GRID1: variants seen among roughly 807,000 people sequenced by gnomAD.
GRID1 encodes glutamate receptor ionotropic, delta-1.
In GRID1, 28 loss-of-function variants were observed where a neutral mutation model predicts 98.0. The ratio of observed to expected loss-of-function variants is 0.29; its 90% CI spans 0.21 to 0.39. The LOEUF (loss-of-function observed/expected upper bound fraction) is 0.39, where lower values mean the gene tolerates loss of function less well. Among genes scored for constraint, GRID1 ranks in the 10% least tolerant of loss-of-function variants. The probability of loss-of-function intolerance (pLI) is 1.00; values close to 1 mark genes in which losing one functional copy is unlikely to be tolerated. For synonymous variants in GRID1, 553 were observed against 538.5 expected, an observed-to-expected ratio of 1.03 and a Z score of -0.37; for missense variants, 1,111 against 1,340.5, an observed-to-expected ratio of 0.83 and a Z score of 2.67.
At chr10:85,858,267 A>G (rs372448903) in intron 6 of GRID1, among the ~76,000 whole-genome samples, 5 of 152,172 alleles carry the variant, frequency 3.3e-5, no homozygotes, top group African/African-American at 9.7e-5. Flanking sequence ...AGAGTGTGCT[A>G]AAGCAAGAGC....
At chr10:85,673,756 C>A (rs542545178) in intron 12 of GRID1, among the ~76,000 whole-genome samples, 1 of 152,254 alleles carries the variant, frequency 6.6e-6, no homozygotes, top group Non-Finnish European at 1.5e-5. Context: ...AAAATTCCTG[C>A]GACTTTATTT....
chr10:86,070,071 T>A (rs1396877343), intron 4 of GRID1, among the ~76,000 whole-genome samples: 1 of 152,166 alleles, frequency 6.6e-6, no homozygotes, highest in Non-Finnish European at 1.5e-5. Flanking sequence ...TGCCAGCTCT[T>A]TGGAGTTTGA....
At chr10:85,973,158 C>A (rs924792407) in intron 4 of GRID1, among the ~76,000 whole-genome samples, 1 of 152,066 alleles carries the variant, frequency 6.6e-6, no homozygotes, top group Non-Finnish European at 1.5e-5. Context: ...TTTGAATTTG[C>A]CTATTAATTT....
At chr10:86,019,414 C>T (rs1326868778) in intron 4 of GRID1, among the ~76,000 whole-genome samples, 1 of 152,246 alleles carries the variant, frequency 6.6e-6, no homozygotes, top group Non-Finnish European at 1.5e-5. Context: ...GTGCCCCCAT[C>T]AGGGAGAGGG....
intron 8 of GRID1, among the ~76,000 whole-genome samples, chr10:85,852,392 G>C (rs1272180468): frequency 1.3e-5 from 2 of 152,134 alleles, no homozygotes; most frequent in Non-Finnish European, 2.9e-5. Flanking sequence ...CCAGACACCT[G>C]AAACAGGAAG....
intron 12 of GRID1, chr10:85,650,279 G>A (rs1367710696): frequency 6.6e-6 from 1 of 152,186 alleles, no homozygotes; most frequent in African/African-American, 2.4e-5. Flanking sequence ...AAGTGAGGGA[G>A]GCTTCACCAG....
At chr10:86,179,429 G>A (rs149345866) in intron 3 of GRID1, among the ~76,000 whole-genome samples, 34 of 152,298 alleles carry the variant, frequency 2.2e-4, no homozygotes, top group Middle Eastern at 3.4e-3. Context: ...ACCTCCTCTG[G>A]TCCTCCACGA....
chr10:85,979,797 C>T (rs1304993631), intron 4 of GRID1, among the ~76,000 whole-genome samples: 1 of 152,160 alleles, frequency 6.6e-6, no homozygotes, highest in African/African-American at 2.4e-5. Flanking sequence ...GACACTGGTC[C>T]ACAGGGCTCA....
chr10:85,635,427 C>CCTCCTTG (rs1406353923), intron 13 of GRID1, among the ~76,000 whole-genome samples: 1 of 152,216 alleles, frequency 6.6e-6, no homozygotes, highest in Non-Finnish European at 1.5e-5. Flanking sequence ...TCCCCTGCCC[C>CCTCCTTG]CTCCTTGCCC....
chr10:85,647,250 G>T lies in GRID1; in HGVS notation c.2145C>A (p.Asn715Lys), dbSNP rs1409355332. 2.5e-6 allele frequency: 4 copies of T among 1,614,212 alleles called. No individual in the cohort carries two copies. In the South Asian group the frequency reaches 4.4e-5, roughly 18 times the overall value. ...TGGACACGCAGTTGTCAGCCCCTCC[G>T]TTCTTGCTGATGGTCCGCCAGAGTT... ...FAELWRTISKNGGADNCVSSP... is the reference protein window; with the variant it reads ...FAELWRTISKKGGADNCVSSP... Residue 715 changes from asparagine to lysine, a missense_variant, in exon 13 of 16, where the codon AAC (asparagine) becomes AAA (lysine). Around this residue, in one of 3 missense-constraint regions of GRID1, gnomAD observed 762 missense variants for 869.1 expected, o/e 0.88. Transcript: ENST00000327946.
intron 3 of GRID1, among the ~76,000 whole-genome samples, chr10:86,178,374 G>A (rs1057439959): frequency 6.6e-6 from 1 of 152,176 alleles, no homozygotes; most frequent in Non-Finnish European, 1.5e-5. Context: ...GGGAGGACAG[G>A]GGGAGAAGAA....
At chr10:86,084,168 G>T (rs1361508937) in intron 4 of GRID1, among the ~76,000 whole-genome samples, 1 of 152,132 alleles carries the variant, frequency 6.6e-6, no homozygotes, top group Admixed American at 6.5e-5. Flanking sequence ...TGCAATCGAG[G>T]GAAGCCTAGG....
chr10:85,654,934 C>T (rs1452638841), intron 12 of GRID1, among the ~76,000 whole-genome samples: 1 of 152,224 alleles, frequency 6.6e-6, no homozygotes, highest in African/African-American at 2.4e-5. Context: ...GTAAGTAGAG[C>T]TCAGTAATAG....
chr10:86,019,815 G>T (rs529061559), intron 4 of GRID1, among the ~76,000 whole-genome samples: 1 of 152,358 alleles, frequency 6.6e-6, no homozygotes, highest in African/African-American at 2.4e-5. Context: ...AGGCCACGAG[G>T]CATCCTCAGC....
intron 3 of GRID1, among the ~76,000 whole-genome samples, chr10:86,185,955 T>C (rs1845720517): frequency 6.6e-6 from 1 of 152,236 alleles, no homozygotes; most frequent in African/African-American, 2.4e-5. Context: ...TTTGGAAGTA[T>C]TCTCTTCAGT....
intron 2 of GRID1, among the ~76,000 whole-genome samples, chr10:86,307,276 C>T (rs1473503532): frequency 6.6e-6 from 1 of 151,992 alleles, no homozygotes; most frequent in African/African-American, 2.4e-5. Context: ...CCACAATAGC[C>T]AAGGTATGCA....
At chr10:85,781,218 T>TA (rs903723857) in intron 8 of GRID1, among the ~76,000 whole-genome samples, 56 of 152,302 alleles carry the variant, frequency 3.7e-4, no homozygotes, top group African/African-American at 1.2e-3. Flanking sequence ...AACCCAATTT[T>TA]AAAAAATCAA....
intron 4 of GRID1, among the ~76,000 whole-genome samples, chr10:85,947,209 C>CTGTGT (rs1842064611): frequency 6.6e-6 from 1 of 152,170 alleles, no homozygotes; most frequent in Non-Finnish European, 1.5e-5. Context: ...TCAAAAAAGG[C>CTGTGT]TGTGTTGTTT....
chr10:85,875,959 A>C (rs11817580), intron 5 of GRID1, among the ~76,000 whole-genome samples: 11,287 of 152,166 alleles, frequency 0.074, 480 homozygotes, highest in Middle Eastern at 0.14. Flanking sequence ...ATTTCCTTTA[A>C]TTTGGGTTTG....
Sources: allele counts gnomAD v4.1 joint callset (sites outside exome capture counted in the v4.1 genomes callset), GRCh38; gene constraint gnomAD v4.1.1; regional missense constraint gnomAD v4.1.1; transcripts MANE v1.5; gene names NCBI Gene and HGNC (gene_info 2026-07-23, HGNC 2026-07-21).